FARP2: variants seen among roughly 807,000 people sequenced by gnomAD.
FARP2 encodes FERM, ARHGEF and pleckstrin domain-containing protein 2.
A neutral mutation model predicts 130.5 loss-of-function variants in FARP2; 111 were observed. The observed-to-expected ratio is 0.85, with a 90% CI of 0.73 to 1.00. The LOEUF is 1.00. Among genes scored for constraint, FARP2 ranks in the 50% least tolerant of loss-of-function variants. The probability of loss-of-function intolerance (pLI) is 0.00; values close to 1 mark genes in which losing one functional copy is unlikely to be tolerated. For synonymous variants in FARP2, 504 were observed against 516.9 expected (o/e 0.98, Z 0.34); for missense variants, 1,385 against 1,346.3 (o/e 1.03, Z -0.45).
At chr2:241,367,282 G>A (rs2061338968) in intron 1 of FARP2, among the ~76,000 whole-genome samples, 2 of 152,242 alleles carry the variant, frequency 1.3e-5, no homozygotes, top group South Asian at 2.1e-4. Context: ...TTTTTATGCA[G>A]CAGTGTTCTG....
chr2:241,469,538 CTCTT>C (rs1264166369), intron 18 of FARP2, among the ~76,000 whole-genome samples: 1 of 152,220 alleles, frequency 6.6e-6, no homozygotes, highest in African/African-American at 2.4e-5. Flanking sequence ...GTTGACGATT[CTCTT>C]TCTTTTCATT....
intron 8 of FARP2, among the ~76,000 whole-genome samples, chr2:241,422,417 A>G (rs2062834762): frequency 6.6e-6 from 1 of 152,138 alleles, no homozygotes; most frequent in South Asian, 2.1e-4. Flanking sequence ...AAAAAAACAG[A>G]AAACAACAAC....
rs2064444017 is a variant in FARP2, at chr2:241,475,861, C to A, written c.2136C>A (p.Ala712=). Reference sequence around the variant, plus strand: ...CTGAGGGGTCTCTCCACACAGACGCCCTGAAAGCCATCACAGAGGTGACCA... The same window carrying A: ...CTGAGGGGTCTCTCCACACAGACGCACTGAAAGCCATCACAGAGGTGACCA... The part of the protein sequence containing the change: ...GHHDYADCHD[A]LKAITEVTTT... The change falls in exon 19 of 27, where the codon GCC becomes GCA. Residue 712 remains alanine (A), a synonymous_variant. Coordinates refer to ENST00000264042, the MANE Select transcript of FARP2 (RefSeq NM_014808.4). The surrounding 1 kb of genome is among the most constrained non-coding windows in gnomAD (Gnocchi z 4.4). The A allele has an allele frequency of 6.2e-7, 1 of 1,612,484 alleles. No homozygotes were observed. The highest frequency in any genetic ancestry group is 1.3e-5 in the African/African-American group (1 of 74,970).
intron 2 of FARP2, among the ~76,000 whole-genome samples, chr2:241,385,952 T>C (rs536719425): frequency 6.6e-6 from 1 of 152,202 alleles, no homozygotes; most frequent in Non-Finnish European, 1.5e-5. Flanking sequence ...ATTTCTCTCT[T>C]TACCTCCTGT....
intron 13 of FARP2, chr2:241,446,366 T>G (rs964436473): frequency 1.3e-5 from 2 of 152,240 alleles, no homozygotes; most frequent in African/African-American, 4.8e-5. Flanking sequence ...TATGAAAAAT[T>G]TAAACCTGTT....
chr2:241,431,915 G>C (rs1028926978), intron 9 of FARP2, 141 bp downstream of exon 9: 29 of 233,178 alleles, frequency 1.2e-4, no homozygotes, highest in African/African-American at 6.7e-4. Flanking sequence ...TCTGCCTCCC[G>C]GGTTCAAGCG....
At chr2:241,386,573 T>C (rs2061788838) in intron 2 of FARP2, among the ~76,000 whole-genome samples, 2 of 152,184 alleles carry the variant, frequency 1.3e-5, no homozygotes, top group Non-Finnish European at 2.9e-5. Context: ...AGGGGAGGTT[T>C]GGAAAGCCCC....
intron 1 of FARP2, among the ~76,000 whole-genome samples, chr2:241,365,734 A>G (rs572551170): frequency 2.6e-5 from 4 of 151,842 alleles, no homozygotes; most frequent in Non-Finnish European, 5.9e-5. Context: ...ACTTGAAGTA[A>G]TTTTCTTTAG....
intron 2 of FARP2, among the ~76,000 whole-genome samples, chr2:241,385,833 A>C (rs1195305546): frequency 1.3e-5 from 2 of 152,170 alleles, no homozygotes; most frequent in Non-Finnish European, 2.9e-5. Context: ...TTTTGCACTT[A>C]CTTATGCACT....
chr2:241,408,083 A>C (rs2062410328), intron 5 of FARP2, among the ~76,000 whole-genome samples: 1 of 152,224 alleles, frequency 6.6e-6, no homozygotes, highest in African/African-American at 2.4e-5. Context: ...GAATGATCTA[A>C]AGATGGCAGG....
At chr2:241,393,180 C>G (rs144508525) in intron 2 of FARP2, among the ~76,000 whole-genome samples, 2 of 151,686 alleles carry the variant, frequency 1.3e-5, no homozygotes. Flanking sequence ...CCACCACACC[C>G]GGCTAATTTT....
At chr2:241,489,809 T>C in intron 21 of FARP2, 153 bp from the exon 22 acceptor site, 1 of 590,250 alleles carries the variant, frequency 1.7e-6, no homozygotes, top group Non-Finnish European at 3.1e-6. Flanking sequence ...ACCAGTGTCC[T>C]CCTTGGCCTC....
At chr2:241,437,025 A>ATAGTGTTGTGTGTAATACACCAC (rs1310287445) in intron 12 of FARP2, among the ~76,000 whole-genome samples, 1 of 152,254 alleles carries the variant, frequency 6.6e-6, no homozygotes, top group Non-Finnish European at 1.5e-5. Flanking sequence ...GATGTGCATC[A>ATAGTGTTGTGTGTAATACACCAC]TAGTGTTGTG....
chr2:241,378,001 T>C (rs2061576852), intron 2 of FARP2, among the ~76,000 whole-genome samples: 1 of 152,240 alleles, frequency 6.6e-6, no homozygotes. Context: ...TTTCTCCACA[T>C]ATTTGCCAAC....
intron 2 of FARP2, among the ~76,000 whole-genome samples, chr2:241,378,416 A>ATTTTTTTTTTTTTT (rs10692211): frequency 1.1e-4 from 12 of 107,702 alleles, no homozygotes; most frequent in African/African-American, 1.4e-4. Flanking sequence ...TGCCTGGCCT[A>ATTTTTTTTTTTTTT]TTTTTTTTTT....
intron 1 of FARP2, among the ~76,000 whole-genome samples, chr2:241,370,881 A>G (rs754847489): frequency 6.6e-6 from 1 of 152,228 alleles, no homozygotes; most frequent in Non-Finnish European, 1.5e-5. Context: ...AGCATCCAGC[A>G]TGGAGAAAGA....
chr2:241,465,731 G>C, intron 17 of FARP2: 1 of 1,550,806 alleles, frequency 6.4e-7, no homozygotes, highest in Non-Finnish European at 8.7e-7. Flanking sequence ...ATAACACCAT[G>C]AAGCTGAGCC....
At chr2:241,407,690 C>A in intron 5 of FARP2, 75 bp downstream of exon 5, 2 of 1,145,712 alleles carry the variant, frequency 1.7e-6, no homozygotes, top group Non-Finnish European at 2.6e-6. Context: ...CAGCACCTGG[C>A]TCATTGAAAG....
intron 10 of FARP2, among the ~76,000 whole-genome samples, chr2:241,434,663 C>T (rs1387504478): frequency 6.6e-6 from 1 of 152,108 alleles, no homozygotes; most frequent in African/African-American, 2.4e-5. Flanking sequence ...ATCAGCCTGG[C>T]CAACATGGTG....
Sources: gnomAD v4.1 joint callset for allele counts (sites outside exome capture counted in the v4.1 genomes callset) on GRCh38, gnomAD v4.1.1 for gene constraint, Gnocchi (gnomAD v3.1) non-coding constraint, MANE v1.5 for transcripts, NCBI Gene and HGNC (gene_info 2026-07-23, HGNC 2026-07-21) for gene names.